Variants in KIF23 observed in about 807,000 individuals in gnomAD.
KIF23 encodes the protein kinesin-like protein KIF23.
KIF23 carries 30 observed loss-of-function variants against 137.5 expected under a neutral mutation model. The ratio of observed to expected loss-of-function variants is 0.22; its 90% confidence interval spans 0.16 to 0.30. KIF23 has a LOEUF of 0.30. Ranked by LOEUF, KIF23 falls within the 10% of genes least tolerant of loss-of-function variation. KIF23 has a pLI of 1.00. For missense variants in KIF23, 920 were observed against 1,194.3 expected, an observed-to-expected ratio of 0.77 and a Z score of 3.38; for synonymous variants, 367 against 391.1, an observed-to-expected ratio of 0.94 and a Z score of 0.73.
At chr15:69,422,804 CT>C (rs113583800) in intron 6 of KIF23, 11,191 of 211,502 alleles carry the variant, frequency 0.053, 9 homozygotes, top group South Asian at 0.094. Context: ...GGATCAGTTA[CT>C]TTTTTTTTTT....
Position 69,429,274 on chromosome 15 carries a change from A to G in KIF23, c.1114+61A>G, listed in dbSNP as rs1051974317. The G allele has an allele frequency of 4.7e-5, 52 of 1,100,050 alleles. No individual in the cohort carries two copies. In the East Asian group the frequency reaches 1.3e-3, roughly 28 times the overall value. The allele number at this position is 1,100,050 out of a possible 1,614,324, so 68.1% of individuals were successfully genotyped here. ...TTTCAGAAACTTGCAATGCCAGTTTATTATCTACTTATCAATGGGTGGTTC... is the reference window on the plus strand; with the variant it reads ...TTTCAGAAACTTGCAATGCCAGTTTGTTATCTACTTATCAATGGGTGGTTC... On this transcript the variant is annotated intron_variant, in intron 11 of 23. Coordinates refer to ENST00000679126, the MANE Select transcript of KIF23 (RefSeq NM_001367805.3).
At chr15:69,446,757 G>C in intron 22 of KIF23, 114 bp from the exon 23 acceptor site, 1 of 937,200 alleles carries the variant, frequency 1.1e-6, no homozygotes, top group Non-Finnish European at 1.7e-6. Context: ...AAGAGTCTTT[G>C]CTGAACTAGA....
intron 17 of KIF23, 66 bp downstream of exon 17, chr15:69,440,143 C>A: frequency 1.3e-6 from 2 of 1,557,716 alleles, no homozygotes; most frequent in South Asian, 2.4e-5. Flanking sequence ...TAGTTAGGTT[C>A]GATATTTTGA....
At chr15:69,417,142 A>G (rs1051295420) in intron 2 of KIF23, among the ~76,000 whole-genome samples, 6 of 152,170 alleles carry the variant, frequency 3.9e-5, no homozygotes, top group Non-Finnish European at 7.3e-5. Flanking sequence ...ATACACTGCA[A>G]TTTGATTTTT....
Position 69,444,519 on chromosome 15 carries a change from C to G in KIF23, c.2422-271C>G. The G allele has an allele frequency of 2.6e-6, 1 of 390,228 alleles. No homozygotes were observed. 24.2% of individuals were successfully genotyped at this position (390,228 alleles called of 1,614,324 possible). ...ATGAGTTGTTTGTCCTGAACCACCCCCAAGCAGGAAAGACTTGCAGCATTA... is the reference window on the plus strand; with the variant it reads ...ATGAGTTGTTTGTCCTGAACCACCCGCAAGCAGGAAAGACTTGCAGCATTA... On this transcript the variant is annotated intron_variant, in intron 19 of 23. Transcript: ENST00000679126. This position sits in a 1 kb window ranked among gnomAD's most constrained non-coding sequence, Gnocchi z 4.2.
At position 69,434,734 on chromosome 15, in the gene KIF23, G is replaced by A. The variant is rs2057432454; in HGVS notation, c.1115-749G>A. ...GGAGGATCAGGGATCTTCTCCTTGG[G>A]CACGAACGCGCTGACTGGGCAGGAG... On this transcript the variant is annotated intron_variant, in intron 11 of 23. Transcript: ENST00000679126. 2.3e-6 allele frequency: 3 copies of A among 1,293,670 alleles called. No individual in the cohort carries two copies. In the Admixed American group the frequency reaches 5.4e-5, roughly 23 times the overall value. The allele number at this position is 1,293,670 out of a possible 1,614,324, so 80.1% of individuals were successfully genotyped here. A position where few individuals can be genotyped will look rare whatever the true frequency, so the allele number is the denominator to read the frequency against.
At chr15:69,419,602 C>G (rs1270975883) in intron 3 of KIF23, among the ~76,000 whole-genome samples, 2 of 152,202 alleles carry the variant, frequency 1.3e-5, no homozygotes, top group African/African-American at 4.8e-5. Flanking sequence ...ACCCCACAAC[C>G]CCTCTCCCCT....
chr15:69,435,610 A>AT (rs771671813), intron 12 of KIF23, 42 bp from the exon 13 acceptor site: 65 of 1,611,470 alleles, frequency 4.0e-5, no homozygotes, highest in Admixed American at 3.7e-4. Flanking sequence ...ATTTGTGTGC[A>AT]TTTTTTTTGC....
At chr15:69,430,458 A>ACT (rs1474852504) in intron 11 of KIF23, among the ~76,000 whole-genome samples, 1 of 152,174 alleles carries the variant, frequency 6.6e-6, no homozygotes, top group Non-Finnish European at 1.5e-5. Context: ...ATCCTAATAG[A>ACT]GGAGATCAGT....
At chr15:69,418,602 C>T (rs1417598976) in intron 3 of KIF23, among the ~76,000 whole-genome samples, 5 of 152,138 alleles carry the variant, frequency 3.3e-5, no homozygotes, top group Non-Finnish European at 7.3e-5. Context: ...ACTGTCCTTT[C>T]ATTTCCATCT....
chr15:69,438,500 C>CT, intron 16 of KIF23, 95 bp downstream of exon 16: 1 of 1,203,772 alleles, frequency 8.3e-7, no homozygotes, highest in Non-Finnish European at 1.1e-6. Context: ...GTAAATGCTG[C>CT]TTATTAAGAG....
rs1326141204 is a variant in KIF23, at chr15:69,438,326, A to G, written c.1676A>G (p.Asn559Ser). 16 of 1,613,444 alleles carry G rather than the reference A, an allele frequency of 9.9e-6. No homozygotes were observed. The highest frequency in any genetic ancestry group is 1.3e-5 in the African/African-American group (1 of 74,922). Reference sequence around the variant, plus strand: ...GAAAACCACATGCAAGGGAAACTAAATGAAAAGGAGAAGATGATCTCAGGA... The same window carrying G: ...GAAAACCACATGCAAGGGAAACTAAGTGAAAAGGAGAAGATGATCTCAGGA... The part of the protein sequence containing the change: ...SKENHMQGKL[N>S]EKEKMISGQK... Residue 559 changes from asparagine to serine, a missense_variant, in exon 16 of 24, where the codon AAT (asparagine) becomes AGT (serine). Asn to Ser is a conservative substitution (Grantham distance 46). Transcript: ENST00000679126.
intron 23 of KIF23, 149 bp from the exon 24 acceptor site, chr15:69,447,643 T>C (rs1389674499): frequency 1.6e-6 from 1 of 631,520 alleles, no homozygotes; most frequent in East Asian, 2.6e-5. Flanking sequence ...AAGATAAGCA[T>C]ATTTTATAAA....
At position 69,444,514 on chromosome 15, in the gene KIF23, C is replaced by T. The variant is rs2057701075; in HGVS notation, c.2422-276C>T. On this transcript the variant is annotated intron_variant, in intron 19 of 23. Coordinates refer to ENST00000679126, the MANE Select transcript of KIF23 (RefSeq NM_001367805.3). This position sits in a 1 kb window ranked among gnomAD's most constrained non-coding sequence, Gnocchi z 4.2. ...ATGAAATGAGTTGTTTGTCCTGAAC[C>T]ACCCCCAAGCAGGAAAGACTTGCAG... 1 of 370,632 alleles carries T rather than the reference C, an allele frequency of 2.7e-6. No individual in the cohort carries two copies. The highest frequency in any genetic ancestry group is 2.1e-5 in the African/African-American group (1 of 47,766). 23.0% of individuals were successfully genotyped at this position (370,632 alleles called of 1,614,324 possible).
chr15:69,429,562 G>A (rs936583167), intron 11 of KIF23, among the ~76,000 whole-genome samples: 6 of 151,972 alleles, frequency 3.9e-5, no homozygotes, highest in Admixed American at 6.6e-5. Context: ...CACCTTGGCC[G>A]CCCCAAAGTC....
rs747884326 is a variant in KIF23 at position 69,423,297 on chromosome 15, G to A, written c.702G>A (p.Leu234=). ...EIYNNYIYDL[L]EEVPFDPIKP... ...ATAATAATTACATATATGATCTATTGGAAGAGGTGCCGTTTGATCCCATAA... is the reference window on the plus strand; with the variant it reads ...ATAATAATTACATATATGATCTATTAGAAGAGGTGCCGTTTGATCCCATAA... The change falls in exon 7 of 24, where the codon TTG becomes TTA. Residue 234 remains leucine (L), a synonymous_variant. Transcript: ENST00000679126. 1.3e-6 allele frequency: 2 copies of A among 1,578,894 alleles called. No homozygotes were observed. The highest frequency in any genetic ancestry group is 2.4e-5 in the South Asian group (2 of 84,224).
At chr15:69,428,059 C>T (rs1424167607) in intron 10 of KIF23, among the ~76,000 whole-genome samples, 1 of 151,846 alleles carries the variant, frequency 6.6e-6, no homozygotes, top group African/African-American at 2.4e-5. Flanking sequence ...GAGATTGAGA[C>T]CATCCTGGCC....
chr15:69,417,855 T>G (rs1024554254), intron 3 of KIF23, among the ~76,000 whole-genome samples: 1 of 152,226 alleles, frequency 6.6e-6, no homozygotes, highest in Non-Finnish European at 1.5e-5. Flanking sequence ...TAACATTTAA[T>G]AATAGACATT....
In KIF23 at chr15:69,446,004, T is replaced by C; in HGVS notation, c.2674-5T>C. The C allele has an allele frequency of 6.2e-7, 1 of 1,610,724 alleles. No individual in the cohort carries two copies. The highest frequency in any genetic ancestry group is 1.1e-5 in the South Asian group (1 of 90,924). On this transcript the variant is annotated splice_polypyrimidine_tract_variant and splice_region_variant and intron_variant, in intron 20 of 23. Coordinates refer to ENST00000679126, the MANE Select transcript of KIF23 (RefSeq NM_001367805.3). ...TGTAACAGTGACCTTTTCTTTTGGC[T>C]TTAGGGTGATATTTATAAAACAAGG...
Sources: allele counts gnomAD v4.1 joint callset (sites outside exome capture counted in the v4.1 genomes callset), GRCh38; gene constraint gnomAD v4.1.1; non-coding constraint Gnocchi (gnomAD v3.1); transcripts MANE v1.5; gene names NCBI Gene and HGNC (gene_info 2026-07-23, HGNC 2026-07-21).